Variants in SBF2 observed in about 807,000 individuals in gnomAD.
SBF2 encodes the protein SET binding factor 2, also known as myotubularin-related protein 13.
A neutral mutation model predicts 225.2 loss-of-function variants in SBF2; 112 were observed. The ratio of observed to expected loss-of-function variants is 0.50; its 90% CI spans 0.43 to 0.58. The LOEUF (loss-of-function observed/expected upper bound fraction) is 0.58, where lower values mean the gene tolerates loss of function less well. Ranked by LOEUF, SBF2 falls within the 20% of genes least tolerant of loss-of-function variation. SBF2 has a pLI of 0.00. For missense variants in SBF2, 1,996 were observed against 2,206.2 expected, an observed-to-expected ratio of 0.90 and a Z score of 1.91; for synonymous variants, 763 against 773.3, an observed-to-expected ratio of 0.99 and a Z score of 0.22.
intron 2 of SBF2, among the ~76,000 whole-genome samples, chr11:10,132,644 T>C (rs368915720): frequency 6.7e-6 from 1 of 148,680 alleles, no homozygotes; most frequent in South Asian, 2.1e-4. Context: ...ATAAAAGCAG[T>C]GTGGACCCAA....
chr11:10,000,249 C>T lies in SBF2; in HGVS notation c.861+665G>A, dbSNP rs1023391658. ...ACAGTAACTTAAATACTTACTTTTA[C>T]CTATCAAATAGTATCAGATTATTAC... On this transcript the variant is annotated intron_variant, in intron 8 of 39. Coordinates refer to ENST00000256190, the MANE Select transcript of SBF2 (RefSeq NM_030962.4). Among the ~76,000 whole-genome samples the T allele has an allele frequency of 4.6e-5, 7 of 152,314 alleles. No individual in the cohort carries two copies. In the South Asian group the frequency reaches 1.5e-3, roughly 32 times the overall value.
chr11:10,138,786 G>A (rs1020116223), intron 2 of SBF2, among the ~76,000 whole-genome samples: 44 of 152,020 alleles, frequency 2.9e-4, no homozygotes, highest in African/African-American at 1.1e-3. Flanking sequence ...ATGGTGGTGA[G>A]AGAACATACT....
At chr11:9,785,431 A>T in intron 36 of SBF2, 113 bp from the exon 37 acceptor site, 1 of 845,720 alleles carries the variant, frequency 1.2e-6, no homozygotes, top group Non-Finnish European at 2.0e-6. Context: ...AATAAGCAAC[A>T]ATAATGTACA....
chr11:10,128,496 T>C (rs1591019954), intron 2 of SBF2, among the ~76,000 whole-genome samples: 2 of 152,368 alleles, frequency 1.3e-5, no homozygotes, highest in Admixed American at 6.5e-5. Context: ...TTATATTTTT[T>C]ACAAAGGTAA....
chr11:10,252,980 C>G (rs749065757), intron 1 of SBF2, among the ~76,000 whole-genome samples: 1 of 152,018 alleles, frequency 6.6e-6, no homozygotes, highest in Non-Finnish European at 1.5e-5. Context: ...TGTGAATCTG[C>G]TGTGATTCTG....
intron 1 of SBF2, chr11:10,272,110 C>A (rs1962528494): frequency 8.8e-7 from 1 of 1,139,348 alleles, no homozygotes; most frequent in African/African-American, 1.6e-5. Flanking sequence ...CTGGAACACC[C>A]ACCAGCAGGG....
At chr11:10,158,186 G>A (rs1348017687) in intron 2 of SBF2, among the ~76,000 whole-genome samples, 2 of 152,028 alleles carry the variant, frequency 1.3e-5, no homozygotes, top group Non-Finnish European at 2.9e-5. Flanking sequence ...TGCAGCAAAA[G>A]CAGTTCTAAG....
At chr11:9,875,805 C>G (rs1859180250) in intron 17 of SBF2, among the ~76,000 whole-genome samples, 1 of 152,124 alleles carries the variant, frequency 6.6e-6, no homozygotes, top group Non-Finnish European at 1.5e-5. Context: ...ATTTTTCTGC[C>G]TATTATCAAA....
intron 1 of SBF2, among the ~76,000 whole-genome samples, chr11:10,244,103 C>A (rs987569326): frequency 2.0e-5 from 3 of 152,182 alleles, no homozygotes; most frequent in African/African-American, 4.8e-5. Flanking sequence ...GTACTTCCCT[C>A]CTGGGACGTA....
At chr11:10,297,259 G>C (rs1227572793), upstream of SBF2, among the ~76,000 whole-genome samples, 1 of 149,944 alleles carries the variant, frequency 6.7e-6, no homozygotes, top group Non-Finnish European at 1.5e-5. Flanking sequence ...GTTGTATCAT[G>C]ATGTTGCCCA....
At chr11:9,929,974 C>A (rs1011177692) in intron 16 of SBF2, among the ~76,000 whole-genome samples, 1 of 151,610 alleles carries the variant, frequency 6.6e-6, no homozygotes, top group Non-Finnish European at 1.5e-5. Flanking sequence ...GGGAACAATA[C>A]TTACTGGGGC....
chr11:10,137,611 G>T (rs1404824313), intron 2 of SBF2, among the ~76,000 whole-genome samples: 1 of 152,090 alleles, frequency 6.6e-6, no homozygotes, highest in Non-Finnish European at 1.5e-5. Flanking sequence ...TTATAAATGG[G>T]TGTTGAATTT....
intron 26 of SBF2, among the ~76,000 whole-genome samples, chr11:9,835,393 AG>A (rs1290456855): frequency 6.6e-6 from 1 of 151,992 alleles, no homozygotes; most frequent in Non-Finnish European, 1.5e-5. Flanking sequence ...CCCAGCTGGG[AG>A]GATGGCTTGA....
intron 2 of SBF2, among the ~76,000 whole-genome samples, chr11:10,186,035 G>C (rs929603775): frequency 3.9e-5 from 6 of 152,114 alleles, no homozygotes; most frequent in Non-Finnish European, 4.4e-5. Context: ...ACTGAAATTA[G>C]GCATGAACGA....
intron 1 of SBF2, among the ~76,000 whole-genome samples, chr11:10,226,646 A>G (rs1436812201): frequency 6.6e-6 from 1 of 152,188 alleles, no homozygotes; most frequent in African/African-American, 2.4e-5. Flanking sequence ...ATGTCCCTAC[A>G]AAGGACATTA....
intron 8 of SBF2, among the ~76,000 whole-genome samples, chr11:9,999,149 A>G (rs952913119): frequency 6.6e-6 from 1 of 152,174 alleles, no homozygotes; most frequent in Non-Finnish European, 1.5e-5. Context: ...TATATTGACA[A>G]TATTATACTT....
chr11:9,972,403 C>A (rs1946505301), intron 13 of SBF2, among the ~76,000 whole-genome samples: 1 of 152,190 alleles, frequency 6.6e-6, no homozygotes, highest in Non-Finnish European at 1.5e-5. Context: ...AAAGCCATCT[C>A]TTTCTCCCAA....
chr11:10,002,242 CATT>C (rs1043153876), intron 7 of SBF2, among the ~76,000 whole-genome samples: 11 of 152,114 alleles, frequency 7.2e-5, no homozygotes, highest in African/African-American at 2.2e-4. Flanking sequence ...GAATCTCTAT[CATT>C]ATAACTTCTA....
intron 2 of SBF2, among the ~76,000 whole-genome samples, chr11:10,121,413 T>C (rs1303005619): frequency 6.6e-6 from 1 of 152,188 alleles, no homozygotes; most frequent in African/African-American, 2.4e-5. Flanking sequence ...TTGAGGAACA[T>C]TTTTTATTTC....
Sources: allele counts gnomAD v4.1 joint callset (sites outside exome capture counted in the v4.1 genomes callset), GRCh38; gene constraint gnomAD v4.1.1; transcripts MANE v1.5; gene names NCBI Gene and HGNC (gene_info 2026-07-23, HGNC 2026-07-21).